Variants in PDZRN4 observed in about 807,000 individuals in gnomAD.
PDZRN4 encodes PDZ domain containing ring finger 4.
In PDZRN4, 70 loss-of-function variants were observed where a neutral mutation model predicts 99.0. The observed-to-expected ratio is 0.71, with a 90% CI of 0.58 to 0.86. PDZRN4 has a LOEUF of 0.86. PDZRN4 is among the 40% of genes least tolerant of loss of function. PDZRN4 has a pLI of 0.00. For missense variants in PDZRN4, 1,474 were observed against 1,331.2 expected (o/e 1.11, Z -1.67); for synonymous variants, 551 against 501.6 (o/e 1.10, Z -1.32).
rs532370453 is a variant in PDZRN4, at chr12:41,475,840, T to C, written c.844-30616T>C. On this transcript the variant is annotated intron_variant, in intron 3 of 9. Coordinates refer to ENST00000402685, the MANE Select transcript of PDZRN4 (RefSeq NM_001164595.2). ...ATCCCTTTCTACTTATCTCCTTTGC[T>C]GTCCTCCCCTTTGTTTTCTTCTTTT... Among the ~76,000 whole-genome samples the C allele has an allele frequency of 4.6e-5, 7 of 152,346 alleles. No homozygotes were observed. In the South Asian group the frequency reaches 1.4e-3, roughly 32 times the overall value.
chr12:41,201,173 A>AC (rs1204083925), intron 3 of PDZRN4, among the ~76,000 whole-genome samples: 1 of 151,002 alleles, frequency 6.6e-6, no homozygotes, highest in African/African-American at 2.4e-5. Flanking sequence ...CAATTAAAAA[A>AC]AAAAACCCTC....
At chr12:41,331,125 G>T (rs1951738963) in intron 3 of PDZRN4, among the ~76,000 whole-genome samples, 1 of 152,072 alleles carries the variant, frequency 6.6e-6, no homozygotes, top group Admixed American at 6.6e-5. Context: ...TCTATTCAAT[G>T]AAGCAATCAT....
chr12:41,268,900 T>A (rs1291145059), intron 3 of PDZRN4, among the ~76,000 whole-genome samples: 1 of 152,180 alleles, frequency 6.6e-6, no homozygotes, highest in East Asian at 1.9e-4. Context: ...TGATTGAAAC[T>A]AAGGGATTTC....
chr12:41,189,136 G>A, intron 1 of PDZRN4, 33 bp downstream of exon 1: 3 of 1,559,182 alleles, frequency 1.9e-6, no homozygotes, highest in Non-Finnish European at 2.6e-6. Context: ...CGCGGGCATG[G>A]TCGATTGGGG....
At chr12:41,209,388 C>T (rs534995369) in intron 3 of PDZRN4, among the ~76,000 whole-genome samples, 1 of 151,624 alleles carries the variant, frequency 6.6e-6, no homozygotes, top group East Asian at 2.0e-4. Flanking sequence ...GGTACCTGTG[C>T]ACAACGTGCA....
At chr12:41,512,353 G>C (rs1005293959) in intron 5 of PDZRN4, among the ~76,000 whole-genome samples, 1 of 151,798 alleles carries the variant, frequency 6.6e-6, no homozygotes, top group African/African-American at 2.4e-5. Context: ...AAAATAATAA[G>C]AGTGGTGTTG....
chr12:41,573,779 C>G lies in PDZRN4; in HGVS notation c.3000C>G (p.Asn1000Lys), dbSNP rs1297034487. The G allele has an allele frequency of 2.5e-6, 4 of 1,613,690 alleles. No homozygotes were observed. The South Asian group carries it at 4.4e-5, about 18-fold the overall frequency. ...ACAAAAAGATGATGAAAAAGAGAAA[C>G]AAGAAAATTTTGGACAACTGGATGA... is the stretch of plus-strand genomic sequence containing the variant. ...LSHKKMMKKRNKKILDNWMTI... is the reference protein window; with the variant it reads ...LSHKKMMKKRKKKILDNWMTI... The change falls in exon 10 of 10, where the codon AAC becomes AAG. Residue 1000 changes from asparagine to lysine, a missense_variant. Physicochemically the swap from Asn to Lys is moderately conservative, Grantham distance 94 (BLOSUM62 0). Transcript: ENST00000402685.
rs1417531757 is a variant in PDZRN4 at position 41,511,876 on chromosome 12, G to A, written c.1203+1963G>A. Among the ~76,000 whole-genome samples the A allele has an allele frequency of 1.4e-4, 21 of 152,136 alleles. 1 individual carries two copies. Among genetic ancestry groups the A allele is most frequent in the Admixed American group, 1.4e-3 (21 of 15,268 alleles). On this transcript the variant is annotated intron_variant, in intron 5 of 9. Transcript: ENST00000402685. Reference sequence around the variant, plus strand: ...TTAGAAATGCTAATTCTGTCTATGTGTTGCACTTTTACTGTTACACCTAGA... The same window carrying A: ...TTAGAAATGCTAATTCTGTCTATGTATTGCACTTTTACTGTTACACCTAGA...
At chr12:41,412,518 A>T (rs1952407942) in intron 3 of PDZRN4, 1 of 152,210 alleles carries the variant, frequency 6.6e-6, no homozygotes, top group Admixed American at 6.5e-5. Flanking sequence ...GGGTGATAAC[A>T]GGTGACATTT....
intron 3 of PDZRN4, chr12:41,477,817 A>T: frequency 8.7e-7 from 1 of 1,152,824 alleles, no homozygotes; most frequent in Non-Finnish European, 1.3e-6. Context: ...TGTGGTAATG[A>T]TTTTGATTAT....
At chr12:41,332,744 T>A (rs1330514869) in intron 3 of PDZRN4, among the ~76,000 whole-genome samples, 2 of 118,236 alleles carry the variant, frequency 1.7e-5, no homozygotes, top group African/African-American at 3.3e-5. Context: ...AGAGGAGGAT[T>A]AAAAAAAAAA....
intron 3 of PDZRN4, among the ~76,000 whole-genome samples, chr12:41,287,436 G>A (rs958958359): frequency 1.8e-4 from 28 of 152,106 alleles, no homozygotes; most frequent in Admixed American, 5.2e-4. Flanking sequence ...GCTTTCATTC[G>A]TTACATTTAA....
At chr12:41,204,293 T>C (rs1950834386) in intron 3 of PDZRN4, among the ~76,000 whole-genome samples, 1 of 152,016 alleles carries the variant, frequency 6.6e-6, no homozygotes, top group African/African-American at 2.4e-5. Flanking sequence ...AAAGAGGTCC[T>C]CTAAAAAGTC....
intron 3 of PDZRN4, among the ~76,000 whole-genome samples, chr12:41,446,934 T>G (rs1400748689): frequency 6.6e-6 from 1 of 151,578 alleles, no homozygotes; most frequent in Admixed American, 6.6e-5. Flanking sequence ...GGATGTATTG[T>G]AAAAGCCAAA....
Position 41,572,632 on chromosome 12 carries a change from G to A in PDZRN4, c.1853G>A (p.Gly618Asp). 4 of 1,614,148 alleles carry A rather than the reference G, an allele frequency of 2.5e-6. No homozygotes were observed. Among genetic ancestry groups the A allele is most frequent in the African/African-American group, 2.7e-5 (2 of 75,038 alleles). Residue 618 changes from glycine to aspartate, a missense_variant, in exon 10 of 10, where the codon GGC becomes GAC. Physicochemically the swap from Gly to Asp is moderately conservative, Grantham distance 94. Coordinates refer to ENST00000402685, the MANE Select transcript of PDZRN4 (RefSeq NM_001164595.2). ...GAATACATTGACTCAGACTGCATTG[G>A]CAACCCAGATGAGGACTGTGAAAGA... ...SGEYIDSDCI[G>D]NPDEDCERFR...
intron 3 of PDZRN4, among the ~76,000 whole-genome samples, chr12:41,238,966 T>C (rs1951086696): frequency 6.6e-6 from 1 of 152,108 alleles, no homozygotes; most frequent in Non-Finnish European, 1.5e-5. Flanking sequence ...TACTGAGTAG[T>C]ATACCCAAAG....
intron 3 of PDZRN4, among the ~76,000 whole-genome samples, chr12:41,277,801 T>C (rs1278840189): frequency 6.6e-6 from 1 of 152,178 alleles, no homozygotes; most frequent in Non-Finnish European, 1.5e-5. Context: ...CAATTTCTCT[T>C]TGGTAGATTA....
intron 3 of PDZRN4, among the ~76,000 whole-genome samples, chr12:41,212,021 C>CTGTACCCTGGAACAGAATAA (rs1950891753): frequency 6.6e-6 from 1 of 151,934 alleles, no homozygotes; most frequent in South Asian, 2.1e-4. Flanking sequence ...TTGCCTGTCA[C>CTGTACCCTGGAACAGAATAA]TGTACCCTGG....
chr12:41,343,923 C>A (rs1428467146), intron 3 of PDZRN4, among the ~76,000 whole-genome samples: 1 of 151,848 alleles, frequency 6.6e-6, no homozygotes, highest in African/African-American at 2.4e-5. Flanking sequence ...GTAAAGATAT[C>A]AAAGATTTCT....
Sources: allele counts gnomAD v4.1 joint callset (sites outside exome capture counted in the v4.1 genomes callset), GRCh38; gene constraint gnomAD v4.1.1; transcripts MANE v1.5; gene names NCBI Gene and HGNC (gene_info 2026-07-23, HGNC 2026-07-21).